The following NREP variants were observed in gnomAD, a reference collection of about 807,000 sequenced individuals.
NREP encodes the protein neuronal regeneration-related protein.
A neutral mutation model predicts 8.6 loss-of-function variants in NREP; 5 were observed. The ratio of observed to expected loss-of-function variants is 0.58; its 90% confidence interval spans 0.30 to 1.22. NREP has a LOEUF of 1.22. NREP is among the 50% of genes most tolerant of loss of function. The pLI is 0.07. For missense variants in NREP, 86 were observed against 82.5 expected (o/e 1.04, Z -0.17); for synonymous variants, 27 against 28.0 (o/e 0.96, Z 0.11).
intron 2 of NREP, among the ~76,000 whole-genome samples, chr5:111,903,460 T>C (rs1186404047): frequency 6.6e-6 from 1 of 152,158 alleles, no homozygotes; most frequent in Non-Finnish European, 1.5e-5. Flanking sequence ...AATTATAAAG[T>C]TTAATTTGAA....
chr5:111,822,225 T>C (rs1752528231), intron 2 of NREP, among the ~76,000 whole-genome samples: 1 of 152,132 alleles, frequency 6.6e-6, no homozygotes, highest in South Asian at 2.1e-4. Flanking sequence ...GACTTGAAAG[T>C]CCAAGGTCCT....
chr5:111,829,766 C>T (rs1180365203), intron 2 of NREP, among the ~76,000 whole-genome samples: 1 of 152,150 alleles, frequency 6.6e-6, no homozygotes, highest in Non-Finnish European at 1.5e-5. Context: ...TGTTGGATGA[C>T]AGGAGATCTA....
chr5:111,862,326 G>A (rs1024842767), intron 2 of NREP, among the ~76,000 whole-genome samples: 1 of 152,160 alleles, frequency 6.6e-6, no homozygotes, highest in African/African-American at 2.4e-5. Flanking sequence ...TATTTCCAAA[G>A]ACATATGTCA....
At chr5:111,888,995 A>G (rs957469733) in intron 2 of NREP, among the ~76,000 whole-genome samples, 14 of 152,248 alleles carry the variant, frequency 9.2e-5, no homozygotes, top group African/African-American at 3.4e-4. Flanking sequence ...GGTCTATGTC[A>G]CAGCAATCAC....
intron 2 of NREP, among the ~76,000 whole-genome samples, chr5:111,967,019 C>T (rs1756661807): frequency 6.6e-6 from 1 of 152,210 alleles, no homozygotes; most frequent in Non-Finnish European, 1.5e-5. Context: ...TGTCTAAAGA[C>T]ATTTTTATTT....
chr5:111,970,090 G>T (rs1756767540), intron 2 of NREP, among the ~76,000 whole-genome samples: 1 of 152,136 alleles, frequency 6.6e-6, no homozygotes. Flanking sequence ...TACTCTGTAA[G>T]ATCTCTTTTC....
At chr5:111,904,625 G>A (rs1018169994) in intron 2 of NREP, among the ~76,000 whole-genome samples, 2 of 152,072 alleles carry the variant, frequency 1.3e-5, no homozygotes, top group East Asian at 3.9e-4. Flanking sequence ...ATATTCCATT[G>A]TATGTGAAAG....
intron 2 of NREP, among the ~76,000 whole-genome samples, chr5:111,867,476 C>T (rs1189102793): frequency 6.6e-6 from 1 of 152,134 alleles, no homozygotes; most frequent in Non-Finnish European, 1.5e-5. Context: ...ATTAGGACCC[C>T]ACCCTTATGG....
At chr5:111,884,624 C>A (rs1214191624) in intron 2 of NREP, among the ~76,000 whole-genome samples, 1 of 152,150 alleles carries the variant, frequency 6.6e-6, no homozygotes, top group Non-Finnish European at 1.5e-5. Flanking sequence ...AGCTTATCCA[C>A]CATGATCAAG....
chr5:111,728,863 G>A (rs1241563656), downstream of NREP: 1 of 152,062 alleles, frequency 6.6e-6, no homozygotes, highest in South Asian at 2.1e-4. Flanking sequence ...TTTGTCTGAG[G>A]AAAAGTGCAC....
At chr5:111,789,684 C>T (rs1484838297) in intron 2 of NREP, among the ~76,000 whole-genome samples, 1 of 152,140 alleles carries the variant, frequency 6.6e-6, no homozygotes, top group Non-Finnish European at 1.5e-5. Flanking sequence ...TGTAGATTCT[C>T]TTTCTAACCT....
chr5:111,897,674 A>C (rs1275754069), intron 2 of NREP, among the ~76,000 whole-genome samples: 1 of 152,066 alleles, frequency 6.6e-6, no homozygotes, highest in Non-Finnish European at 1.5e-5. Flanking sequence ...ATAAAACTGG[A>C]ATTACATTCT....
intron 2 of NREP, among the ~76,000 whole-genome samples, chr5:111,834,733 T>C (rs759931792): frequency 3.9e-5 from 6 of 152,178 alleles, no homozygotes; most frequent in Non-Finnish European, 8.8e-5. Flanking sequence ...GCTTTGCATC[T>C]CAGATTATTC....
intron 2 of NREP, among the ~76,000 whole-genome samples, chr5:111,774,767 G>A (rs57053071): frequency 0.059 from 8,966 of 152,268 alleles, 419 homozygotes; most frequent in East Asian, 0.17. Flanking sequence ...AGAGCCTCCA[G>A]AAAGGAATGC....
upstream of NREP, among the ~76,000 whole-genome samples, chr5:111,759,015 C>T (rs904360887): frequency 3.9e-5 from 6 of 152,174 alleles, no homozygotes; most frequent in African/African-American, 1.4e-4. Context: ...TAGCTAGGAA[C>T]AAAGGGAAGA....
chr5:111,820,109 C>CTA (rs1446409761), intron 2 of NREP, among the ~76,000 whole-genome samples: 1 of 127,474 alleles, frequency 7.8e-6, no homozygotes, highest in Non-Finnish European at 1.7e-5. Flanking sequence ...CCTGCTAAGT[C>CTA]CGTAGAGAGA....
chr5:111,888,524 G>A (rs1334245224), intron 2 of NREP, among the ~76,000 whole-genome samples: 4 of 152,134 alleles, frequency 2.6e-5, no homozygotes, highest in Non-Finnish European at 4.4e-5. Flanking sequence ...CTGCCCCCAC[G>A]ATTCAATTAC....
chr5:111,748,224 C>T (rs748167829), intron 2 of NREP, among the ~76,000 whole-genome samples: 2 of 152,130 alleles, frequency 1.3e-5, no homozygotes, highest in Non-Finnish European at 2.9e-5. Flanking sequence ...TTGTAGTGTG[C>T]TTAGATCTCA....
intron 2 of NREP, among the ~76,000 whole-genome samples, chr5:111,806,343 C>A (rs11241138): frequency 0.34 from 51,145 of 151,726 alleles, 9,082 homozygotes; most frequent in East Asian, 0.62. Context: ...CTGAGTATCT[C>A]CACACAAGCA....
Sources: allele counts gnomAD v4.1 joint callset (sites outside exome capture counted in the v4.1 genomes callset), GRCh38; gene constraint gnomAD v4.1.1; transcripts MANE v1.5; gene names NCBI Gene and HGNC (gene_info 2026-07-23, HGNC 2026-07-21).